The following LNX2 variants were observed in gnomAD, a reference collection of about 807,000 sequenced individuals.
LNX2 encodes ligand of Numb protein X 2.
Under a neutral mutation model 66.2 loss-of-function variants are expected in LNX2, and 35 were observed. The observed-to-expected ratio is 0.53, with a 90% CI of 0.40 to 0.70. The LOEUF (loss-of-function observed/expected upper bound fraction) is 0.70, where lower values mean the gene tolerates loss of function less well. Ranked by LOEUF, LNX2 falls within the 30% of genes least tolerant of loss-of-function variation. The pLI, the probability that LNX2 is intolerant of heterozygous loss-of-function variation, is 0.00. For missense variants in LNX2, 791 were observed against 850.8 expected, an observed-to-expected ratio of 0.93 and a Z score of 0.87; for synonymous variants, 337 against 315.6, an observed-to-expected ratio of 1.07 and a Z score of -0.72.
intron 1 of LNX2, among the ~76,000 whole-genome samples, chr13:27,608,908 G>A (rs959243998): frequency 2.6e-5 from 4 of 151,358 alleles, no homozygotes; most frequent in Admixed American, 1.3e-4. Flanking sequence ...AGGTTCAAGC[G>A]ATTCTCTTGC....
intron 3 of LNX2, among the ~76,000 whole-genome samples, chr13:27,568,611 A>T (rs1368752409): frequency 1.3e-5 from 2 of 152,196 alleles, no homozygotes; most frequent in Non-Finnish European, 2.9e-5. Context: ...TGTTACAAGC[A>T]TCTAAATAGC....
intron 6 of LNX2, among the ~76,000 whole-genome samples, chr13:27,559,334 T>TACCTATCAAATACGTAAATATGC (rs1389301838): frequency 7.2e-6 from 1 of 139,338 alleles, no homozygotes. Flanking sequence ...GCTATATATG[T>TACCTATCAAATACGTAAATATGC]ACCTATCAAA....
intron 2 of LNX2, among the ~76,000 whole-genome samples, chr13:27,580,905 CCTG>C (rs1269090375): frequency 6.6e-6 from 1 of 152,052 alleles, no homozygotes; most frequent in African/African-American, 2.4e-5. Flanking sequence ...TACAATTTTT[CCTG>C]CTTTTAGATT....
rs776067875 is a variant in LNX2 at position 27,567,693 on chromosome 13, C to T, written c.802G>A (p.Asp268Asn). 1.9e-6 allele frequency: 3 copies of T among 1,613,950 alleles called. No homozygotes were observed. Among genetic ancestry groups the T allele is most frequent in the South Asian group, 2.2e-5 (2 of 91,038 alleles). ...CTCCCGTCTCTGGCAATGACCCCATCCCGATAGACCTCCTGGATGACAATG... is the reference window on the plus strand; with the variant it reads ...CTCCCGTCTCTGGCAATGACCCCATTCCGATAGACCTCCTGGATGACAATG... ...INIVIQEVYRDGVIARDGRLL... is the reference protein window; with the variant it reads ...INIVIQEVYRNGVIARDGRLL... The change falls in exon 4 of 10, where the codon GAT becomes AAT. Residue 268 changes from aspartate to asparagine, a missense_variant. Transcript: ENST00000316334.
intron 1 of LNX2, among the ~76,000 whole-genome samples, chr13:27,618,659 T>A (rs1955852796): frequency 2.0e-5 from 3 of 152,214 alleles, no homozygotes; most frequent in Admixed American, 1.3e-4. Context: ...TCAGTAAATA[T>A]TTTAGTGCCC....
At chr13:27,577,992 A>G (rs1301265321) in intron 2 of LNX2, among the ~76,000 whole-genome samples, 1 of 152,206 alleles carries the variant, frequency 6.6e-6, no homozygotes, top group Non-Finnish European at 1.5e-5. Context: ...TCAAAGATAG[A>G]GACTGTCCAT....
intron 2 of LNX2, among the ~76,000 whole-genome samples, chr13:27,575,457 T>G (rs902336383): frequency 6.6e-6 from 1 of 152,192 alleles, no homozygotes; most frequent in Non-Finnish European, 1.5e-5. Flanking sequence ...CCAATGTGGT[T>G]GCATCATTCA....
rs189099298 is a variant in LNX2, at chr13:27,552,343, T to C, written c.1778+865A>G. Among the ~76,000 whole-genome samples, 132 of 152,366 alleles carry C rather than the reference T, an allele frequency of 8.7e-4. 2 individuals carry two copies. The highest frequency in any genetic ancestry group is 6.8e-3 in the Admixed American group (104 of 15,302). ...CGAGTAGACCACTTCTCACCCACTA[T>C]GCGCAAAGCGCCTTGAAGCACTATA... On this transcript the variant is annotated intron_variant, in intron 8 of 9. Transcript: ENST00000316334.
intron 6 of LNX2, among the ~76,000 whole-genome samples, chr13:27,557,166 AAAT>A (rs1379520737): frequency 1.3e-5 from 2 of 152,264 alleles, no homozygotes; most frequent in African/African-American, 4.8e-5. Flanking sequence ...ATTAATATTA[AAAT>A]AATAATTAAC....
At chr13:27,586,069 AG>A (rs1955482892) in intron 1 of LNX2, among the ~76,000 whole-genome samples, 1 of 139,406 alleles carries the variant, frequency 7.2e-6, no homozygotes, top group Non-Finnish European at 1.6e-5. Flanking sequence ...TATATAAGGC[AG>A]TACATATATC....
intron 1 of LNX2, among the ~76,000 whole-genome samples, chr13:27,590,438 C>T (rs373247611): frequency 6.6e-5 from 10 of 151,918 alleles, no homozygotes; most frequent in African/African-American, 2.2e-4. Flanking sequence ...AGGCTGGTCT[C>T]GAACCCCTGA....
intron 6 of LNX2, 102 bp from the exon 7 acceptor site, chr13:27,556,515 GTAAT>G (rs1169319283): frequency 2.0e-6 from 2 of 987,596 alleles, no homozygotes; most frequent in African/African-American, 3.3e-5. Flanking sequence ...CATTTATAAA[GTAAT>G]TATTTTTTAT....
intron 1 of LNX2, among the ~76,000 whole-genome samples, chr13:27,610,002 T>C (rs1955757193): frequency 6.6e-6 from 1 of 152,218 alleles, no homozygotes; most frequent in Admixed American, 6.5e-5. Flanking sequence ...ATCTCATCTA[T>C]AATAAAAGCA....
At chr13:27,597,009 G>C (rs1221702029) in intron 1 of LNX2, among the ~76,000 whole-genome samples, 1 of 152,112 alleles carries the variant, frequency 6.6e-6, no homozygotes, top group East Asian at 1.9e-4. Flanking sequence ...GCTTCTGTTA[G>C]CCTCCCTGTT....
chr13:27,571,605 C>CTG (rs1566120644), intron 2 of LNX2, among the ~76,000 whole-genome samples: 1 of 152,130 alleles, frequency 6.6e-6, no homozygotes, highest in African/African-American at 2.4e-5. Flanking sequence ...CTAAATAGCA[C>CTG]TGAATTGCAC....
At chr13:27,586,275 A>C (rs1278626739) in intron 1 of LNX2, among the ~76,000 whole-genome samples, 1 of 152,176 alleles carries the variant, frequency 6.6e-6, no homozygotes, top group Admixed American at 6.5e-5. Context: ...GTAAGAAAGA[A>C]GGAAGATAAA....
chr13:27,611,451 G>C (rs1199090293), intron 1 of LNX2, among the ~76,000 whole-genome samples: 1 of 152,170 alleles, frequency 6.6e-6, no homozygotes, highest in African/African-American at 2.4e-5. Context: ...GGGAGAGGAG[G>C]AAATGGGAAG....
intron 2 of LNX2, among the ~76,000 whole-genome samples, chr13:27,576,711 C>T (rs927769672): frequency 4.0e-5 from 6 of 149,250 alleles, no homozygotes; most frequent in African/African-American, 7.4e-5. Flanking sequence ...GGTGACAGAG[C>T]GAGATGCTAT....
At chr13:27,572,788 G>A (rs1955298311) in intron 2 of LNX2, among the ~76,000 whole-genome samples, 1 of 152,200 alleles carries the variant, frequency 6.6e-6, no homozygotes, top group Non-Finnish European at 1.5e-5. Context: ...AATAGTGGGG[G>A]TGGTGGTAGT....
Sources: gnomAD v4.1 joint callset for allele counts (sites outside exome capture counted in the v4.1 genomes callset) on GRCh38, gnomAD v4.1.1 for gene constraint, MANE v1.5 for transcripts, NCBI Gene and HGNC (gene_info 2026-07-23, HGNC 2026-07-21) for gene names.